The following EXOC2 variants were observed in gnomAD, a reference collection of about 807,000 sequenced individuals.
The protein encoded by EXOC2 is exocyst complex component 2.
EXOC2 carries 70 observed loss-of-function variants against 131.8 expected under a neutral mutation model. The observed-to-expected ratio is 0.53, with a 90% CI of 0.44 to 0.65. The LOEUF (loss-of-function observed/expected upper bound fraction) is 0.65, where lower values mean the gene tolerates loss of function less well. Among genes scored for constraint, EXOC2 ranks in the 30% least tolerant of loss-of-function variants. The pLI, the probability that EXOC2 is intolerant of heterozygous loss-of-function variation, is 0.00. For synonymous variants in EXOC2, 411 were observed against 398.4 expected (o/e 1.03, Z -0.38); for missense variants, 923 against 1,108.6 (o/e 0.83, Z 2.38).
intron 13 of EXOC2, among the ~76,000 whole-genome samples, chr6:569,713 A>G (rs1460910773): frequency 1.3e-5 from 2 of 152,234 alleles, no homozygotes; most frequent in Non-Finnish European, 2.9e-5. Flanking sequence ...CCAAATCTGC[A>G]GAGCAAATTA....
chr6:594,047 T>G (rs967811730), intron 10 of EXOC2, among the ~76,000 whole-genome samples: 25 of 152,348 alleles, frequency 1.6e-4, no homozygotes, highest in African/African-American at 6.0e-4. Flanking sequence ...CTCCTCCCCC[T>G]TGTGACCACC....
chr6:551,522 G>A lies in EXOC2; in HGVS notation c.2122-2231C>T, dbSNP rs1757141465. Among the ~76,000 whole-genome samples the A allele has an allele frequency of 2.0e-5, 3 of 152,214 alleles. No individual in the cohort carries two copies. The South Asian group carries it at 6.2e-4, about 32-fold the overall frequency. On this transcript the variant is annotated intron_variant, in intron 21 of 27. Coordinates refer to ENST00000230449, the MANE Select transcript of EXOC2 (RefSeq NM_018303.6). ...AATAGGCTCAATGTGAGTCAGCTGA[G>A]AGCTGCCGCGTCACAGGGAGTCCAG...
rs147855635 is a variant in EXOC2 at position 628,351 on chromosome 6, C to T, written c.422+1484G>A. Among the ~76,000 whole-genome samples the T allele has an allele frequency of 2.0e-5, 3 of 152,310 alleles. No individual in the cohort carries two copies. In the East Asian group the frequency reaches 5.8e-4, roughly 29 times the overall value. On this transcript the variant is annotated intron_variant, in intron 4 of 27. Coordinates refer to ENST00000230449, the MANE Select transcript of EXOC2 (RefSeq NM_018303.6). ...ATTATTCTTCACTGCCATTACCAATCTCATCAAATAATTAACCTGACACTT... is the reference window on the plus strand; with the variant it reads ...ATTATTCTTCACTGCCATTACCAATTTCATCAAATAATTAACCTGACACTT...
At chr6:554,603 T>G (rs1044485996) in intron 20 of EXOC2, among the ~76,000 whole-genome samples, 1 of 152,162 alleles carries the variant, frequency 6.6e-6, no homozygotes, top group Admixed American at 6.5e-5. Flanking sequence ...TAGACAAACA[T>G]GGATAAATTC....
At chr6:497,273 G>T (rs537595344) in intron 25 of EXOC2, 94 bp downstream of exon 25, 9 of 1,153,438 alleles carry the variant, frequency 7.8e-6, no homozygotes, top group South Asian at 1.4e-5. Flanking sequence ...TCCATTAAAA[G>T]AAGCCTGTCA....
chr6:514,318 G>T (rs1388666983), intron 23 of EXOC2, among the ~76,000 whole-genome samples: 1 of 152,146 alleles, frequency 6.6e-6, no homozygotes, highest in Non-Finnish European at 1.5e-5. Context: ...GTTAGTTTTT[G>T]CTGCTTACTA....
rs369004658 is a variant in EXOC2 at position 673,190 on chromosome 6, T to C, written c.-44+19829A>G. 6.0e-5 allele frequency among the ~76,000 whole-genome samples: 8 copies of C among 134,266 alleles called. No homozygotes were observed. In the East Asian group the frequency reaches 1.3e-3, roughly 22 times the overall value. The allele number at this position is 134,266 out of a possible 152,430, so 88.1% of individuals were successfully genotyped here. Reference sequence around the variant, plus strand: ...GGCAGGAGAATCACTTGAATCTGGGTTGCAGAGGCAAGATCGCGCCATTGC... The same window carrying C: ...GGCAGGAGAATCACTTGAATCTGGGCTGCAGAGGCAAGATCGCGCCATTGC... On this transcript the variant is annotated intron_variant, in intron 1 of 27. Transcript: ENST00000230449.
At chr6:595,437 CGTAA>C (rs1561903120) in intron 10 of EXOC2, among the ~76,000 whole-genome samples, 2 of 151,926 alleles carry the variant, frequency 1.3e-5, no homozygotes, top group Non-Finnish European at 2.9e-5. Context: ...CTCAAAGCAT[CGTAA>C]ATAAAATAAT....
intron 2 of EXOC2, among the ~76,000 whole-genome samples, chr6:633,552 T>C (rs573852075): frequency 6.6e-6 from 1 of 152,262 alleles, no homozygotes; most frequent in East Asian, 1.9e-4. Flanking sequence ...CCCATCTTCC[T>C]GAGACAAATC....
chr6:570,208 A>C (rs1458904087), intron 13 of EXOC2, among the ~76,000 whole-genome samples: 11 of 97,318 alleles, frequency 1.1e-4, no homozygotes, highest in African/African-American at 4.8e-4. Context: ...ATCTCGGCTC[A>C]CTGCAGGCTC....
chr6:680,920 C>T (rs2127798307), intron 1 of EXOC2, among the ~76,000 whole-genome samples: 1 of 152,228 alleles, frequency 6.6e-6, no homozygotes, highest in East Asian at 1.9e-4. Flanking sequence ...CCGGGCTGAC[C>T]AGATCTGGGG....
At chr6:627,137 C>T (rs1466164317) in intron 4 of EXOC2, among the ~76,000 whole-genome samples, 1 of 151,442 alleles carries the variant, frequency 6.6e-6, no homozygotes, top group Non-Finnish European at 1.5e-5. Context: ...CCCACATCAA[C>T]ATTCTACAGT....
chr6:518,000 A>G (rs1023552321), intron 23 of EXOC2, among the ~76,000 whole-genome samples: 2 of 152,232 alleles, frequency 1.3e-5, no homozygotes, highest in African/African-American at 4.8e-5. Flanking sequence ...TTTCTTAATT[A>G]AGAGACATAT....
Position 608,952 on chromosome 6 carries a change from C to T in EXOC2, c.742+1146G>A, listed in dbSNP as rs115459147. Among the ~76,000 whole-genome samples, 1,254 of 152,226 alleles carry T rather than the reference C, an allele frequency of 8.2e-3. 18 individuals are homozygous for T. The highest frequency in any genetic ancestry group is 0.028 in the African/African-American group (1,166 of 41,538). ...CTTCAATAAGTGTTTGAGTTAAATT[C>T]AGAATATCTTCATTTTAACAACATT... On this transcript the variant is annotated intron_variant, in intron 7 of 27. Coordinates refer to ENST00000230449, the MANE Select transcript of EXOC2 (RefSeq NM_018303.6).
chr6:672,444 T>C (rs1276274699), intron 1 of EXOC2, among the ~76,000 whole-genome samples: 3 of 152,266 alleles, frequency 2.0e-5, no homozygotes, highest in African/African-American at 4.8e-5. Flanking sequence ...TTGCTCTGTT[T>C]CTTCAAAATG....
intron 22 of EXOC2, among the ~76,000 whole-genome samples, chr6:533,468 A>G (rs1766228865): frequency 6.6e-6 from 1 of 152,096 alleles, no homozygotes; most frequent in African/African-American, 2.4e-5. Flanking sequence ...AGGGGCGTGC[A>G]GGTCAGGCCT....
chr6:585,436 A>C (rs913135245), intron 11 of EXOC2, among the ~76,000 whole-genome samples: 4 of 152,186 alleles, frequency 2.6e-5, no homozygotes, highest in African/African-American at 7.2e-5. Flanking sequence ...AGTGTATATT[A>C]TTACTACAAA....
At chr6:511,910 T>C (rs935541386) in intron 23 of EXOC2, among the ~76,000 whole-genome samples, 1 of 152,260 alleles carries the variant, frequency 6.6e-6, no homozygotes, top group African/African-American at 2.4e-5. Flanking sequence ...CTCCGCCACA[T>C]CTGTTGCTTC....
At chr6:596,430 C>CGAT (rs751130323) in intron 10 of EXOC2, among the ~76,000 whole-genome samples, 16 of 150,754 alleles carry the variant, frequency 1.1e-4, no homozygotes, top group East Asian at 9.7e-4. Context: ...TGCAGTGGTA[C>CGAT]GATCACATCT....
Sources: allele counts gnomAD v4.1 joint callset (sites outside exome capture counted in the v4.1 genomes callset), GRCh38; gene constraint gnomAD v4.1.1; transcripts MANE v1.5; gene names NCBI Gene and HGNC (gene_info 2026-07-23, HGNC 2026-07-21).